AGFG1: variants seen among roughly 807,000 people sequenced by gnomAD.
The protein encoded by AGFG1 is ArfGAP with FG repeats 1, also known as arf-GAP domain and FG repeat-containing protein 1.
In AGFG1, 10 loss-of-function variants were observed where a neutral mutation model predicts 60.6. The ratio of observed to expected loss-of-function variants is 0.16; its 90% CI spans 0.10 to 0.28. The LOEUF is 0.28. Ranked by LOEUF, AGFG1 falls within the 10% of genes least tolerant of loss-of-function variation. The probability of loss-of-function intolerance (pLI) is 1.00; values close to 1 mark genes in which losing one functional copy is unlikely to be tolerated. For synonymous variants in AGFG1, 247 were observed against 242.9 expected, an observed-to-expected ratio of 1.02 and a Z score of -0.16; for missense variants, 537 against 676.5, an observed-to-expected ratio of 0.79 and a Z score of 2.29.
intron 2 of AGFG1, among the ~76,000 whole-genome samples, chr2:227,501,042 C>T (rs1165997965): frequency 1.3e-5 from 2 of 152,148 alleles, no homozygotes; most frequent in African/African-American, 4.8e-5. Flanking sequence ...GATCCACCTA[C>T]CTCAGCCTCT....
At chr2:227,511,538 C>A (rs1402270477) in intron 2 of AGFG1, among the ~76,000 whole-genome samples, 1 of 152,134 alleles carries the variant, frequency 6.6e-6, no homozygotes, top group African/African-American at 2.4e-5. Flanking sequence ...TGATCCCTGG[C>A]TGTATATGAC....
chr2:227,503,458 C>T (rs1412107630), intron 2 of AGFG1, among the ~76,000 whole-genome samples: 1 of 152,152 alleles, frequency 6.6e-6, no homozygotes, highest in Non-Finnish European at 1.5e-5. Context: ...CCAACTAAAG[C>T]CTGTGGGCCA....
intron 10 of AGFG1, 62 bp from the exon 11 acceptor site, chr2:227,551,897 A>G (rs1046049028): frequency 2.8e-5 from 44 of 1,548,502 alleles, no homozygotes; most frequent in African/African-American, 1.2e-4. Flanking sequence ...TACATTTACA[A>G]TGTTGTGAGA....
At chr2:227,552,934 G>A (rs1035447457) in intron 11 of AGFG1, among the ~76,000 whole-genome samples, 6 of 149,914 alleles carry the variant, frequency 4.0e-5, no homozygotes, top group Non-Finnish European at 5.9e-5. Flanking sequence ...CCCGGGAGGC[G>A]GAGGTTGTGG....
At chr2:227,549,691 A>T (rs372439284) in intron 10 of AGFG1, among the ~76,000 whole-genome samples, 10 of 152,328 alleles carry the variant, frequency 6.6e-5, no homozygotes, top group African/African-American at 2.4e-4. Flanking sequence ...TAGATGCTGG[A>T]TAATCTCATA....
Position 227,559,754 on chromosome 2 carries a change from CAG to C in AGFG1, c.*5262_*5263del, listed in dbSNP as rs1693083490. 1.3e-5 allele frequency: 2 copies of C among 152,134 alleles called. No homozygotes were observed. The highest frequency in any genetic ancestry group is 4.1e-4 in the South Asian group (2 of 4,824). The allele number at this position is 152,134 out of a possible 1,614,324, so 9.4% of individuals were successfully genotyped here. A position where few individuals can be genotyped will look rare whatever the true frequency, so the allele number is the denominator to read the frequency against. ...CTTCCCTCATTCTTGAGTGGAGAGA[CAG>C]AGGAAGCAAACGCCAAGGAGCCTTC... On this transcript the variant is annotated 3_prime_UTR_variant, in exon 13 of 13. Coordinates refer to ENST00000310078, the MANE Select transcript of AGFG1 (RefSeq NM_004504.5).
intron 8 of AGFG1, among the ~76,000 whole-genome samples, chr2:227,535,792 T>A (rs1489355402): frequency 6.6e-6 from 1 of 152,194 alleles, no homozygotes; most frequent in Non-Finnish European, 1.5e-5. Flanking sequence ...ACATAAAGTC[T>A]GGAAACATAC....
intron 2 of AGFG1, among the ~76,000 whole-genome samples, chr2:227,499,378 G>A (rs191666191): frequency 6.6e-6 from 1 of 152,146 alleles, no homozygotes; most frequent in East Asian, 1.9e-4. Context: ...CATGCCTCAT[G>A]TTTGTAATCC....
intron 10 of AGFG1, among the ~76,000 whole-genome samples, chr2:227,547,247 C>T (rs1692678234): frequency 6.6e-6 from 1 of 152,124 alleles, no homozygotes; most frequent in South Asian, 2.1e-4. Context: ...GGTAGCTGAG[C>T]AAAAGCAAAG....
At chr2:227,474,530 G>A (rs1690224196) in intron 1 of AGFG1, among the ~76,000 whole-genome samples, 1 of 152,294 alleles carries the variant, frequency 6.6e-6, no homozygotes, top group Middle Eastern at 3.4e-3. Flanking sequence ...TGGCAGATAG[G>A]ACTTCATTTC....
chr2:227,554,126 A>G (rs1692901157), intron 12 of AGFG1, among the ~76,000 whole-genome samples: 1 of 152,190 alleles, frequency 6.6e-6, no homozygotes, highest in Non-Finnish European at 1.5e-5. Flanking sequence ...AGTGAACATA[A>G]AAGAGAGGTC....
At chr2:227,541,754 G>GGGATGGC (rs1438360124) in intron 10 of AGFG1, among the ~76,000 whole-genome samples, 1 of 152,116 alleles carries the variant, frequency 6.6e-6, no homozygotes, top group African/African-American at 2.4e-5. Flanking sequence ...TAGCTTGATG[G>GGGATGGC]GGATGGCATT....
intron 3 of AGFG1, 103 bp from the exon 4 acceptor site, chr2:227,523,660 T>G (rs943084533): frequency 4.5e-5 from 53 of 1,173,006 alleles, no homozygotes; most frequent in Non-Finnish European, 6.0e-5. Context: ...CAGATAAGAT[T>G]AATGGTGAAA....
In AGFG1 at chr2:227,524,804, A is replaced by C. The variant is rs776878345; in HGVS notation, c.583A>C (p.Lys195Gln). The C allele has an allele frequency of 1.8e-5, 29 of 1,614,058 alleles. No homozygotes were observed. The highest frequency in any genetic ancestry group is 2.4e-5 in the Non-Finnish European group (28 of 1,180,014). The change falls in exon 5 of 13, where the codon AAG becomes CAG. Residue 195 changes from lysine (K) to glutamine (Q), a missense_variant. Physicochemically the swap from Lys to Gln is moderately conservative, Grantham distance 53 (BLOSUM62 1). Coordinates refer to ENST00000310078, the MANE Select transcript of AGFG1 (RefSeq NM_004504.5). ...GRSQGQQQEK[K>Q]QFDLLSDLGS... ...TTCTCAAGGGCAGCAGCAGGAGAAG[A>C]AGCAATTTGACCTTTTAAGTGATCT...
chr2:227,536,054 T>C (rs1692300063), intron 8 of AGFG1, among the ~76,000 whole-genome samples: 1 of 152,160 alleles, frequency 6.6e-6, no homozygotes, highest in Non-Finnish European at 1.5e-5. Context: ...AGTTCTAGGG[T>C]ACATGTGCAC....
chr2:227,505,028 G>C (rs180719826), intron 2 of AGFG1, among the ~76,000 whole-genome samples: 16 of 152,024 alleles, frequency 1.1e-4, no homozygotes, highest in African/African-American at 3.9e-4. Context: ...TTGGACAGCT[G>C]GTGTGGATTT....
intron 2 of AGFG1, among the ~76,000 whole-genome samples, chr2:227,512,297 A>G (rs1691517214): frequency 6.6e-6 from 1 of 152,230 alleles, no homozygotes; most frequent in East Asian, 1.9e-4. Flanking sequence ...AAAAAGATGT[A>G]TGTAAATGCA....
intron 10 of AGFG1, among the ~76,000 whole-genome samples, chr2:227,539,776 C>T (rs753410374): frequency 1.4e-3 from 203 of 148,400 alleles, no homozygotes; most frequent in Non-Finnish European, 2.6e-3. Context: ...AAAGGAGGTA[C>T]CCTTATTGCA....
chr2:227,554,634 A>T lies in AGFG1; in HGVS notation c.*139A>T. 1 of 685,130 alleles carries T rather than the reference A, an allele frequency of 1.5e-6. No homozygotes were observed. The highest frequency in any genetic ancestry group is 2.4e-6 in the Non-Finnish European group (1 of 418,544). 42.4% of individuals were successfully genotyped at this position (685,130 alleles called of 1,614,324 possible). On this transcript the variant is annotated 3_prime_UTR_variant, in exon 13 of 13. Transcript: ENST00000310078. ...TTAAAAAGCCTGCATTGTGTATTAA[A>T]CACCAGGTAATATGTGCAAAACCGA...
Sources: allele counts gnomAD v4.1 joint callset (sites outside exome capture counted in the v4.1 genomes callset), GRCh38; gene constraint gnomAD v4.1.1; transcripts MANE v1.5; gene names NCBI Gene and HGNC (gene_info 2026-07-23, HGNC 2026-07-21).